The following PALM2AKAP2 variants were observed in gnomAD, a reference collection of about 807,000 sequenced individuals.
PALM2AKAP2 encodes the protein PALM2 and AKAP2 fusion, also known as PALM2-AKAP2 fusion protein.
Under a neutral mutation model 71.5 loss-of-function variants are expected in PALM2AKAP2, and 37 were observed. The observed-to-expected ratio is 0.52, with a 90% CI of 0.40 to 0.68. The LOEUF (loss-of-function observed/expected upper bound fraction) is 0.68, where lower values mean the gene tolerates loss of function less well. Ranked by LOEUF, PALM2AKAP2 falls within the 30% of genes least tolerant of loss-of-function variation. PALM2AKAP2 has a pLI of 0.00. For synonymous variants in PALM2AKAP2, 468 were observed against 478.8 expected (o/e 0.98, Z 0.29); for missense variants, 1,224 against 1,191.8 (o/e 1.03, Z -0.40).
intron 1 of PALM2AKAP2, among the ~76,000 whole-genome samples, chr9:109,709,156 T>C (rs1353271998): frequency 6.6e-6 from 1 of 152,168 alleles, no homozygotes; most frequent in Non-Finnish European, 1.5e-5. Context: ...GCAGGAGAGA[T>C]TGAAGAGACC....
intron 3 of PALM2AKAP2, among the ~76,000 whole-genome samples, chr9:109,892,321 T>A (rs1830107938): frequency 6.6e-6 from 1 of 152,184 alleles, no homozygotes; most frequent in African/African-American, 2.4e-5. Flanking sequence ...GTCTTCTCCT[T>A]TGTCTCTCAT....
At chr9:109,736,230 T>C (rs532459380) in intron 1 of PALM2AKAP2, among the ~76,000 whole-genome samples, 1 of 152,362 alleles carries the variant, frequency 6.6e-6, no homozygotes, top group Admixed American at 6.5e-5. Flanking sequence ...AGTGAATTAC[T>C]ATAAATACAT....
chr9:109,769,128 G>C (rs1056071558), intron 1 of PALM2AKAP2, among the ~76,000 whole-genome samples: 2 of 150,798 alleles, frequency 1.3e-5, no homozygotes, highest in East Asian at 1.9e-4. Context: ...ACTGACATTA[G>C]TTTGTTTCTG....
At chr9:109,970,583 TAC>T (rs370443861) in intron 6 of PALM2AKAP2, among the ~76,000 whole-genome samples, 257 of 152,302 alleles carry the variant, frequency 1.7e-3, no homozygotes, top group African/African-American at 6.0e-3. Context: ...CAAAAAGAAT[TAC>T]AGTGTAGGAC....
chr9:110,029,625 A>G (rs1007339062), intron 7 of PALM2AKAP2, among the ~76,000 whole-genome samples: 12 of 152,322 alleles, frequency 7.9e-5, no homozygotes, highest in Admixed American at 6.5e-4. Flanking sequence ...CTCATTTCTT[A>G]AGAATAATCT....
At chr9:109,918,355 C>T (rs1040272430) in intron 3 of PALM2AKAP2, among the ~76,000 whole-genome samples, 10 of 152,154 alleles carry the variant, frequency 6.6e-5, no homozygotes, top group African/African-American at 2.2e-4. Flanking sequence ...GACCATTTGG[C>T]CATGATTGCA....
chr9:109,848,807 T>C (rs1435151253), intron 1 of PALM2AKAP2, among the ~76,000 whole-genome samples: 1 of 150,020 alleles, frequency 6.7e-6, no homozygotes, highest in Non-Finnish European at 1.5e-5. Context: ...AGTTGGGTGT[T>C]GTGATGGAGG....
intron 2 of PALM2AKAP2, among the ~76,000 whole-genome samples, chr9:110,145,891 CTTTTTTT>C (rs61137720): frequency 4.7e-5 from 3 of 64,454 alleles, no homozygotes; most frequent in African/African-American, 6.6e-5. Context: ...CCTCACTCTT[CTTTTTTT>C]TTTTTTTTTT....
exon 3 of PALM2AKAP2, chr9:109,880,557 G>C (rs1390201774): frequency 6.2e-7 from 1 of 1,612,676 alleles, no homozygotes; most frequent in Non-Finnish European, 8.5e-7. Flanking sequence ...ACAGTCCAAA[G>C]TGCTTCGGGA....
chr9:109,867,670 C>A, intron 2 of PALM2AKAP2, 99 bp downstream of exon 2: 1 of 1,340,554 alleles, frequency 7.5e-7, no homozygotes, highest in Non-Finnish European at 9.9e-7. Flanking sequence ...GCGCTGCCGC[C>A]AACCAAACCA....
chr9:110,094,598 G>A (rs1035138139), intron 1 of PALM2AKAP2, among the ~76,000 whole-genome samples: 2 of 151,738 alleles, frequency 1.3e-5, no homozygotes, highest in African/African-American at 4.8e-5. Context: ...GAAAGGGAGT[G>A]GGGAGGTGCT....
intron 3 of PALM2AKAP2, among the ~76,000 whole-genome samples, chr9:109,907,892 G>T (rs1159733981): frequency 6.6e-6 from 1 of 152,154 alleles, no homozygotes; most frequent in Non-Finnish European, 1.5e-5. Flanking sequence ...ACCCCATGCC[G>T]ACCTCCTTCC....
chr9:109,784,774 C>G (rs897216585), intron 1 of PALM2AKAP2, among the ~76,000 whole-genome samples: 8 of 152,240 alleles, frequency 5.3e-5, no homozygotes, highest in Non-Finnish European at 8.8e-5. Context: ...AGCTGCCACC[C>G]AAGATGGCGG....
At chr9:109,777,437 T>C (rs1829364575), upstream of PALM2AKAP2, among the ~76,000 whole-genome samples, 1 of 152,230 alleles carries the variant, frequency 6.6e-6, no homozygotes, top group Non-Finnish European at 1.5e-5. Flanking sequence ...TTGCCTGACC[T>C]AAAAACCCTT....
intron 1 of PALM2AKAP2, among the ~76,000 whole-genome samples, chr9:109,837,520 ACAT>A (rs756453670): frequency 2.6e-5 from 4 of 152,218 alleles, no homozygotes; most frequent in Non-Finnish European, 5.9e-5. Flanking sequence ...TCAAATTCAC[ACAT>A]CATAATATTA....
chr9:109,771,166 G>A (rs528276802), intron 1 of PALM2AKAP2, among the ~76,000 whole-genome samples: 17 of 152,232 alleles, frequency 1.1e-4, no homozygotes, highest in Non-Finnish European at 2.4e-4. Flanking sequence ...AACTGAAAGA[G>A]TGGCAAGTTG....
At chr9:109,889,786 A>C (rs1362795207) in intron 3 of PALM2AKAP2, among the ~76,000 whole-genome samples, 1 of 152,202 alleles carries the variant, frequency 6.6e-6, no homozygotes, top group African/African-American at 2.4e-5. Context: ...TGGTCTGGCA[A>C]ATTGGGTTTA....
intron 6 of PALM2AKAP2, among the ~76,000 whole-genome samples, chr9:110,003,882 G>C (rs1280544237): frequency 6.6e-6 from 1 of 151,902 alleles, no homozygotes; most frequent in East Asian, 1.9e-4. Context: ...CATTTCCTTG[G>C]TAGATCTTCC....
chr9:110,139,852 T>C (rs10739290), intron 2 of PALM2AKAP2, among the ~76,000 whole-genome samples: 114,418 of 152,106 alleles, frequency 0.75, 43,175 homozygotes, highest in East Asian at 0.97. Flanking sequence ...GTCTCTGATG[T>C]TTTCATATGA....
Sources: gnomAD v4.1 joint callset for allele counts (sites outside exome capture counted in the v4.1 genomes callset) on GRCh38, gnomAD v4.1.1 for gene constraint, MANE v1.5 for transcripts, NCBI Gene and HGNC (gene_info 2026-07-23, HGNC 2026-07-21) for gene names.